Variants in GPC6 observed in about 807,000 individuals in gnomAD.
GPC6 encodes the protein glypican-6.
A neutral mutation model predicts 55.2 loss-of-function variants in GPC6; 14 were observed. The ratio of observed to expected loss-of-function variants is 0.25; its 90% CI spans 0.17 to 0.40. The LOEUF is 0.40. Among genes scored for constraint, GPC6 ranks in the 10% least tolerant of loss-of-function variants. The pLI, the probability that GPC6 is intolerant of heterozygous loss-of-function variation, is 1.00. For missense variants in GPC6, 641 were observed against 708.5 expected (o/e 0.90, Z 1.08); for synonymous variants, 278 against 259.6 (o/e 1.07, Z -0.68).
At chr13:94,144,260 T>C (rs1168984688) in intron 4 of GPC6, among the ~76,000 whole-genome samples, 1 of 152,078 alleles carries the variant, frequency 6.6e-6, no homozygotes, top group African/African-American at 2.4e-5. Context: ...TGTTTTTTAA[T>C]AAAAGAGTGA....
At chr13:93,349,385 C>A (rs568173755) in intron 1 of GPC6, among the ~76,000 whole-genome samples, 1 of 152,116 alleles carries the variant, frequency 6.6e-6, no homozygotes, top group African/African-American at 2.4e-5. Flanking sequence ...TGTGCACAAA[C>A]TATAAAAAGC....
At chr13:93,432,434 A>G (rs1045200303) in intron 1 of GPC6, among the ~76,000 whole-genome samples, 25 of 152,176 alleles carry the variant, frequency 1.6e-4, no homozygotes, top group African/African-American at 6.0e-4. Flanking sequence ...AAGGGTGCAG[A>G]TGGTGACAAA....
intron 1 of GPC6, among the ~76,000 whole-genome samples, chr13:93,442,050 GATAGATGATAAATAAAGAC>G (rs1877824842): frequency 6.6e-6 from 1 of 152,178 alleles, no homozygotes. Flanking sequence ...AACAAAAGAA[GATAGATGATAAATAAAGAC>G]ATGAATTCAC....
rs552291448 is a variant in GPC6, at chr13:93,967,473, G to A, written c.712-60256G>A. ...TTGCCATTCCTACATGCTCATATTT[G>A]CTTAAAAAGACTGAAAATGCTGTGT... On this transcript the variant is annotated intron_variant, in intron 3 of 8. Transcript: ENST00000377047. 2.6e-5 allele frequency among the ~76,000 whole-genome samples: 4 copies of A among 152,194 alleles called. No homozygotes were observed. The South Asian group carries it at 8.3e-4, about 32-fold the overall frequency.
At chr13:93,620,164 G>T (rs4119694) in intron 2 of GPC6, among the ~76,000 whole-genome samples, 63,061 of 151,928 alleles carry the variant, frequency 0.42, 13,927 homozygotes, top group African/African-American at 0.57. Context: ...TTAGTAAGAT[G>T]TTCTCTGCCA....
At chr13:94,154,046 T>C (rs1887839487) in intron 4 of GPC6, 1 of 152,180 alleles carries the variant, frequency 6.6e-6, no homozygotes, top group African/African-American at 2.4e-5. Flanking sequence ...TGTCCTACAG[T>C]TGAATATAAA....
In GPC6 at chr13:94,143,018, G is replaced by A. The variant is rs372228360; in HGVS notation, c.877+115124G>A. 2.8e-3 allele frequency among the ~76,000 whole-genome samples: 426 copies of A among 151,616 alleles called. 6 individuals carry two copies. The highest frequency in any genetic ancestry group is 0.01 in the African/African-American group (414 of 41,378). On this transcript the variant is annotated intron_variant, in intron 4 of 8. Transcript: ENST00000377047. ...TAATTTTTGTATTTTTAGTAGAGACGGGTTCACCATGTTGGTCAAGATGGT... is the reference window on the plus strand; with the variant it reads ...TAATTTTTGTATTTTTAGTAGAGACAGGTTCACCATGTTGGTCAAGATGGT...
intron 2 of GPC6, among the ~76,000 whole-genome samples, chr13:93,805,575 T>G (rs1018781563): frequency 1.3e-5 from 2 of 152,240 alleles, no homozygotes; most frequent in Non-Finnish European, 2.9e-5. Flanking sequence ...AACTATGTAA[T>G]GCATGGGTAG....
At chr13:93,919,367 C>T (rs1249246156) in intron 3 of GPC6, among the ~76,000 whole-genome samples, 1 of 152,218 alleles carries the variant, frequency 6.6e-6, no homozygotes, top group Non-Finnish European at 1.5e-5. Context: ...AGTGCCTTTT[C>T]AATCTATAAA....
At chr13:93,932,664 G>T (rs1007305063) in intron 3 of GPC6, among the ~76,000 whole-genome samples, 4 of 152,004 alleles carry the variant, frequency 2.6e-5, no homozygotes, top group Admixed American at 1.3e-4. Context: ...CAGTAAAATG[G>T]CCCTAGTTTT....
intron 1 of GPC6, among the ~76,000 whole-genome samples, chr13:93,279,771 A>G (rs1206983096): frequency 6.6e-6 from 1 of 152,232 alleles, no homozygotes; most frequent in East Asian, 1.9e-4. Flanking sequence ...GGATGTGTTA[A>G]CTAAAGTACT....
chr13:93,494,748 G>C (rs1408508340), intron 1 of GPC6, among the ~76,000 whole-genome samples: 6 of 151,098 alleles, frequency 4.0e-5, no homozygotes, highest in Non-Finnish European at 8.8e-5. Flanking sequence ...GCATTTGCTT[G>C]TGTGTAAAGT....
chr13:93,236,694 C>G (rs1308263238), intron 1 of GPC6, among the ~76,000 whole-genome samples: 3 of 152,272 alleles, frequency 2.0e-5, no homozygotes, highest in Admixed American at 6.5e-5. Flanking sequence ...CCCCACCAAT[C>G]CATGGAAAAA....
rs1316846442 is a variant in GPC6, at chr13:93,886,052, A to C, written c.711+55507A>C. 2.0e-5 allele frequency among the ~76,000 whole-genome samples: 3 copies of C among 152,138 alleles called. No homozygotes were observed. The East Asian group carries it at 5.8e-4, about 29-fold the overall frequency. On this transcript the variant is annotated intron_variant, in intron 3 of 8. Transcript: ENST00000377047. Reference sequence around the variant, plus strand: ...ATTTTAATTTGAATGTTATTGAAATAGTTCTGTGTGCATCTCACAAAATGA... The same window carrying C: ...ATTTTAATTTGAATGTTATTGAAATCGTTCTGTGTGCATCTCACAAAATGA...
intron 3 of GPC6, among the ~76,000 whole-genome samples, chr13:93,976,287 A>T (rs1006009482): frequency 6.6e-6 from 1 of 151,718 alleles, no homozygotes; most frequent in African/African-American, 2.4e-5. Context: ...AATACTAAAC[A>T]TACTAATTAT....
At chr13:93,366,917 C>T (rs562406765) in intron 1 of GPC6, among the ~76,000 whole-genome samples, 3 of 152,158 alleles carry the variant, frequency 2.0e-5, no homozygotes, top group Non-Finnish European at 4.4e-5. Flanking sequence ...ACAATTCGTA[C>T]ACTTCCAATT....
intron 3 of GPC6, among the ~76,000 whole-genome samples, chr13:93,884,164 A>G (rs545841341): frequency 6.6e-6 from 1 of 152,256 alleles, no homozygotes; most frequent in Non-Finnish European, 1.5e-5. Flanking sequence ...AATGTTTGAA[A>G]TGGAAATGAC....
intron 3 of GPC6, among the ~76,000 whole-genome samples, chr13:93,858,877 G>T (rs1023364963): frequency 6.6e-6 from 1 of 151,492 alleles, no homozygotes; most frequent in Admixed American, 6.6e-5. Flanking sequence ...AAAGGGAAGG[G>T]AGACATTGAA....
intron 2 of GPC6, among the ~76,000 whole-genome samples, chr13:93,597,878 G>A (rs905745203): frequency 6.6e-6 from 1 of 152,088 alleles, no homozygotes; most frequent in African/African-American, 2.4e-5. Context: ...GGGCGCGGTG[G>A]CTCACACCTG....
Sources: allele counts gnomAD v4.1 joint callset (sites outside exome capture counted in the v4.1 genomes callset), GRCh38; gene constraint gnomAD v4.1.1; transcripts MANE v1.5; gene names NCBI Gene and HGNC (gene_info 2026-07-23, HGNC 2026-07-21).